EPG5: variants seen among roughly 807,000 people sequenced by gnomAD.
EPG5 encodes ectopic P granules protein 5 homolog.
A neutral mutation model predicts 302.7 loss-of-function variants in EPG5; 159 were observed. The observed-to-expected ratio is 0.53, with a 90% CI of 0.46 to 0.60. The LOEUF (loss-of-function observed/expected upper bound fraction) is 0.60, where lower values mean the gene tolerates loss of function less well. EPG5 is among the 20% of genes least tolerant of loss of function. EPG5 has a pLI of 0.00. For missense variants in EPG5, 2,896 were observed against 3,092.4 expected (o/e 0.94, Z 1.51); for synonymous variants, 1,158 against 1,136.8 (o/e 1.02, Z -0.37).
the EPG5 span, among the ~76,000 whole-genome samples, chr18:45,826,805 G>A: frequency 2.3e-3 from 345 of 152,308 alleles, 1 homozygote; most frequent in African/African-American, 7.9e-3. Context: ...AGTCCAGCTC[G>A]GGGCTGGTTT....
At chr18:45,842,151 C>A in the EPG5 span, 2 of 1,614,044 alleles carry the variant, frequency 1.2e-6, no homozygotes, top group Non-Finnish European at 1.7e-6. Context: ...GCCAGATGAA[C>A]CCCCGGAGCC....
chr18:45,899,341 G>C, intron 27 of EPG5, 63 bp downstream of exon 27: 1 of 1,581,228 alleles, frequency 6.3e-7, no homozygotes, highest in Admixed American at 1.7e-5. Context: ...CTTTCTCATT[G>C]ATAAGCCAAC....
In EPG5 at chr18:45,943,850, G is replaced by A. The variant is rs1396951978; in HGVS notation, c.1792+155C>T. On this transcript the variant is annotated intron_variant, in intron 8 of 43. Transcript: ENST00000282041. ...GCAGGAGAATGGCGTGAACCTGGGA[G>A]GCAGAGCTTGCAGTGAGCCGAGATC... Among the ~76,000 whole-genome samples, 4 of 152,214 alleles carry A rather than the reference G, an allele frequency of 2.6e-5. No homozygotes were observed. In the South Asian group the frequency reaches 8.3e-4, roughly 32 times the overall value.
Position 45,851,600 on chromosome 18 carries a change from T to G in EPG5, c.*867A>C, listed in dbSNP as rs1436601305. Reference sequence around the variant, plus strand: ...CTCCTGACACTGAGCCTTTCAGATATCGAACATGGTGTCTATCAAAGGGTG... The same window carrying G: ...CTCCTGACACTGAGCCTTTCAGATAGCGAACATGGTGTCTATCAAAGGGTG... On this transcript the variant is annotated 3_prime_UTR_variant, in exon 44 of 44. Transcript: ENST00000282041. 1 of 152,178 alleles carries G rather than the reference T, an allele frequency of 6.6e-6. No individual in the cohort carries two copies. Among genetic ancestry groups the G allele is most frequent in the Non-Finnish European group, 1.5e-5 (1 of 68,042 alleles). The allele number at this position is 152,178 out of a possible 1,614,324, so 9.4% of individuals were successfully genotyped here. A position where few individuals can be genotyped will look rare whatever the true frequency, so the allele number is the denominator to read the frequency against.
At position 45,912,315 on chromosome 18, in the gene EPG5, G is replaced by A; in HGVS notation, c.3958C>T (p.Leu1320Phe). Residue 1320 changes from leucine (L) to phenylalanine (F), a missense_variant, in exon 22 of 44, where the codon CTT becomes TTT. Coordinates refer to ENST00000282041, the MANE Select transcript of EPG5 (RefSeq NM_020964.3). ...CCATACTGTGGTCCCGGACGGTGAA[G>A]ATACAGAAGGAAGAACTTCTGCCAA... ...LIWQKFFLLY[L>F]HRPGPQYGLP... 2.5e-6 allele frequency: 4 copies of A among 1,603,836 alleles called. No individual in the cohort carries two copies. Among genetic ancestry groups the A allele is most frequent in the Non-Finnish European group, 3.4e-6 (4 of 1,176,798 alleles).
intron 41 of EPG5, 35 bp from the exon 42 acceptor site, chr18:45,858,103 G>A (rs957789099): frequency 3.9e-6 from 6 of 1,552,914 alleles, no homozygotes; most frequent in Non-Finnish European, 5.3e-6. Flanking sequence ...AAAATTAGAA[G>A]TAAATTTTTC....
At chr18:45,901,790 C>T (rs1125807) in intron 25 of EPG5, among the ~76,000 whole-genome samples, 69,572 of 151,452 alleles carry the variant, frequency 0.46, 17,061 homozygotes, top group East Asian at 0.57. Flanking sequence ...CACACACACA[C>T]ACACACAAAG....
chr18:45,966,226 G>A (rs1194642724), intron 1 of EPG5, among the ~76,000 whole-genome samples: 1 of 151,586 alleles, frequency 6.6e-6, no homozygotes. Flanking sequence ...CAAAAAATTA[G>A]CCGGGCGTGG....
chr18:45,884,214 C>T (rs1355243006), intron 30 of EPG5, among the ~76,000 whole-genome samples: 3 of 152,154 alleles, frequency 2.0e-5, no homozygotes, highest in Non-Finnish European at 4.4e-5. Context: ...TCAGATCACC[C>T]ATGGCATTAG....
Position 45,949,597 on chromosome 18 carries a change from C to A in EPG5, c.1390-6G>T. 1 of 1,556,454 alleles carries A rather than the reference C, an allele frequency of 6.4e-7. No individual in the cohort carries two copies. The highest frequency in any genetic ancestry group is 8.9e-7 in the Non-Finnish European group (1 of 1,129,612). ...ACTCTTTGTAGCACGGATACCTGAA[C>A]AATAAAGGTCATATGATCTCACTAT... On this transcript the variant is annotated splice_region_variant and splice_polypyrimidine_tract_variant and intron_variant, in intron 4 of 43. Transcript: ENST00000282041.
chr18:45,930,967 G>C (rs927363880), intron 11 of EPG5, 137 bp from the exon 12 acceptor site: 9 of 807,172 alleles, frequency 1.1e-5, no homozygotes, highest in African/African-American at 1.8e-5. Context: ...ATTTCTACAG[G>C]CATCAGGAAT....
rs28430300 is a variant in EPG5 at position 45,951,545 on chromosome 18, G to A, written c.1253-307C>T. Among the ~76,000 whole-genome samples, 18,923 of 151,086 alleles carry A rather than the reference G, an allele frequency of 0.13. 1,670 individuals carry two copies. The highest frequency in any genetic ancestry group is 0.29 in the East Asian group (1,493 of 5,112). ...GCAATCTTGACTCACTGCAACCTCC[G>A]CTTCCTGCGTTCATGCCATTCTCCT... On this transcript the variant is annotated intron_variant, in intron 3 of 43. Coordinates refer to ENST00000282041, the MANE Select transcript of EPG5 (RefSeq NM_020964.3).
the EPG5 span, among the ~76,000 whole-genome samples, chr18:45,825,143 G>A: frequency 2.8e-5 from 4 of 140,816 alleles, no homozygotes; most frequent in East Asian, 7.1e-4. Context: ...AGGAGGGAGG[G>A]AGGGAGGGAA....
rs61734402 is a variant in EPG5 at position 45,944,031 on chromosome 18, T to C, written c.1766A>G (p.Gln589Arg). 0.013 allele frequency: 21,519 copies of C among 1,613,108 alleles called. 182 individuals are homozygous for C. The highest frequency in any genetic ancestry group is 0.016 in the Non-Finnish European group (18,672 of 1,179,050). Residue 589 changes from glutamine to arginine, a missense_variant, in exon 8 of 44, where the codon CAG (glutamine) becomes CGG (arginine). By Grantham distance (43) the Gln-to-Arg change is conservative. Transcript: ENST00000282041. ...TTTTGCTTTAAACCCAAGAAGATGC[T>C]GAAAGAGTTCATGAAAGGGGAACTG... is the stretch of plus-strand genomic sequence containing the variant. ...LAQFPFHELF[Q>R]HLLGFKAKGD...
At chr18:45,919,963 A>G (rs1013678828) in intron 16 of EPG5, among the ~76,000 whole-genome samples, 1 of 152,228 alleles carries the variant, frequency 6.6e-6, no homozygotes, top group Non-Finnish European at 1.5e-5. Flanking sequence ...AAGGACCCTT[A>G]TCAGGTCTCC....
At chr18:45,837,587 C>T in the EPG5 span, 1 of 1,513,664 alleles carries the variant, frequency 6.6e-7, no homozygotes, top group East Asian at 2.6e-5. Flanking sequence ...GGCAGTGCTG[C>T]CCTGCACCTT....
At chr18:45,884,923 C>A in intron 29 of EPG5, 112 bp from the exon 30 acceptor site, 1 of 674,230 alleles carries the variant, frequency 1.5e-6, no homozygotes, top group Non-Finnish European at 2.3e-6. Flanking sequence ...TTTTTCTAAA[C>A]AAAAGTCTGA....
intron 9 of EPG5, among the ~76,000 whole-genome samples, chr18:45,942,655 C>T (rs996242726): frequency 6.6e-6 from 1 of 151,680 alleles, no homozygotes; most frequent in African/African-American, 2.4e-5. Context: ...GTTTTGGAAG[C>T]GAAAGGAGGG....
intron 14 of EPG5, 118 bp from the exon 15 acceptor site, chr18:45,923,505 G>T: frequency 8.8e-7 from 1 of 1,140,290 alleles, no homozygotes; most frequent in Non-Finnish European, 1.2e-6. Flanking sequence ...GAAGCTAAAT[G>T]TTCCAAAAAT....
Sources: allele counts gnomAD v4.1 joint callset (sites outside exome capture counted in the v4.1 genomes callset), GRCh38; gene constraint gnomAD v4.1.1; transcripts MANE v1.5; gene names NCBI Gene and HGNC (gene_info 2026-07-23, HGNC 2026-07-21).